The following TRAPPC9 variants were observed in gnomAD, a reference collection of about 807,000 sequenced individuals.
TRAPPC9 encodes IKK2 binding protein.
A neutral mutation model predicts 124.0 loss-of-function variants in TRAPPC9; 83 were observed. The ratio of observed to expected loss-of-function variants is 0.67; its 90% CI spans 0.56 to 0.80. The LOEUF is 0.80. Among genes scored for constraint, TRAPPC9 ranks in the 30% least tolerant of loss-of-function variants. The pLI is 0.00. For missense variants in TRAPPC9, 1,302 were observed against 1,508.3 expected (o/e 0.86, Z 2.27); for synonymous variants, 638 against 617.5 (o/e 1.03, Z -0.49).
At chr8:140,416,736 ACC>A (rs1462251437) in intron 5 of TRAPPC9, among the ~76,000 whole-genome samples, 1 of 152,234 alleles carries the variant, frequency 6.6e-6, no homozygotes, top group African/African-American at 2.4e-5. Flanking sequence ...TTCATATGGA[ACC>A]AAAAAAGAGC....
intron 21 of TRAPPC9, among the ~76,000 whole-genome samples, chr8:139,756,842 T>G (rs1819849500): frequency 7.7e-6 from 1 of 130,076 alleles, no homozygotes; most frequent in Non-Finnish European, 1.6e-5. Flanking sequence ...GGACAGCATG[T>G]CGCAGGAGGA....
intron 21 of TRAPPC9, among the ~76,000 whole-genome samples, chr8:139,755,525 G>A (rs868351669): frequency 9.8e-5 from 11 of 112,166 alleles, no homozygotes; most frequent in South Asian, 2.9e-4. Flanking sequence ...GTCGCAGGAG[G>A]AGCCAGGGTT....
At chr8:140,269,078 G>A (rs1476977755) in intron 15 of TRAPPC9, among the ~76,000 whole-genome samples, 2 of 152,044 alleles carry the variant, frequency 1.3e-5, no homozygotes, top group Admixed American at 1.3e-4. Context: ...GCGTTAGACA[G>A]ATCCATGTAT....
At chr8:140,343,318 T>C (rs1588181215) in intron 9 of TRAPPC9, among the ~76,000 whole-genome samples, 1 of 152,334 alleles carries the variant, frequency 6.6e-6, no homozygotes, top group Middle Eastern at 3.4e-3. Context: ...ATGGCATGCA[T>C]ATCAGCCTCG....
intron 18 of TRAPPC9, among the ~76,000 whole-genome samples, chr8:140,015,829 G>T (rs1033977335): frequency 4.6e-5 from 7 of 152,030 alleles, no homozygotes; most frequent in Admixed American, 4.6e-4. Context: ...TATAAACGGG[G>T]TCATCCCTTT....
At chr8:140,202,608 T>C (rs1255279343) in intron 17 of TRAPPC9, among the ~76,000 whole-genome samples, 1 of 152,202 alleles carries the variant, frequency 6.6e-6, no homozygotes, top group Non-Finnish European at 1.5e-5. Context: ...GCAAAGATTA[T>C]CCATTGATTT....
intron 17 of TRAPPC9, among the ~76,000 whole-genome samples, chr8:140,111,480 T>C (rs6999077): frequency 0.78 from 118,778 of 152,148 alleles, 47,124 homozygotes; most frequent in African/African-American, 0.93. Flanking sequence ...CAGAGAACAA[T>C]GTACATCCCC....
At chr8:140,454,803 G>T (rs2071595173) in intron 1 of TRAPPC9, among the ~76,000 whole-genome samples, 1 of 151,790 alleles carries the variant, frequency 6.6e-6, no homozygotes, top group South Asian at 2.1e-4. Flanking sequence ...GCCAGGCTTG[G>T]TGGCATGCAC....
intron 8 of TRAPPC9, among the ~76,000 whole-genome samples, chr8:140,368,381 A>T (rs766606450): frequency 6.6e-6 from 1 of 152,226 alleles, no homozygotes; most frequent in Non-Finnish European, 1.5e-5. Context: ...CTGAGTGGAC[A>T]GCATGACAGG....
intron 17 of TRAPPC9, among the ~76,000 whole-genome samples, chr8:140,046,495 G>A (rs1006252651): frequency 4.6e-5 from 7 of 152,172 alleles, no homozygotes; most frequent in Non-Finnish European, 8.8e-5. Context: ...TGTCACGCTG[G>A]CTAGAAGGTA....
At chr8:139,886,866 A>T (rs560264728) in intron 20 of TRAPPC9, among the ~76,000 whole-genome samples, 4 of 152,314 alleles carry the variant, frequency 2.6e-5, no homozygotes, top group South Asian at 4.1e-4. Flanking sequence ...TGAGAATCGC[A>T]TTGGCCAACC....
chr8:140,259,874 G>A (rs1053526065), intron 15 of TRAPPC9, among the ~76,000 whole-genome samples: 8 of 152,220 alleles, frequency 5.3e-5, no homozygotes, highest in Admixed American at 2.0e-4. Context: ...GAACACACAC[G>A]TGTGCCCAGA....
intron 19 of TRAPPC9, among the ~76,000 whole-genome samples, chr8:139,919,549 TATC>T (rs1189675140): frequency 1.3e-5 from 2 of 152,184 alleles, no homozygotes; most frequent in Non-Finnish European, 2.9e-5. Flanking sequence ...TAAAGGAAGT[TATC>T]ATGATAAAGA....
At chr8:140,003,735 T>G (rs1428434166) in intron 18 of TRAPPC9, among the ~76,000 whole-genome samples, 1 of 152,184 alleles carries the variant, frequency 6.6e-6, no homozygotes, top group East Asian at 1.9e-4. Context: ...ACTTATCCAC[T>G]GCTAGTAGAG....
chr8:140,408,107 T>C lies in TRAPPC9; in HGVS notation c.887-2409A>G, dbSNP rs368857048. ...AAACACTAGTAAGCCATAGATTTGA[T>C]CTTTCTTGACATCTGTAAAGTTGTG... is the stretch of plus-strand genomic sequence containing the variant. On this transcript the variant is annotated intron_variant, in intron 5 of 22. Transcript: ENST00000438773. Among the ~76,000 whole-genome samples the C allele has an allele frequency of 3.3e-5, 5 of 152,186 alleles. No homozygotes were observed. In the East Asian group the frequency reaches 9.6e-4, roughly 29 times the overall value.
At chr8:140,235,814 A>G (rs547652559) in intron 16 of TRAPPC9, among the ~76,000 whole-genome samples, 18 of 152,378 alleles carry the variant, frequency 1.2e-4, no homozygotes, top group African/African-American at 3.8e-4. Flanking sequence ...AGCATCATTC[A>G]TAACAGCCCA....
chr8:140,366,611 T>C (rs544502692), intron 8 of TRAPPC9, among the ~76,000 whole-genome samples: 3 of 152,042 alleles, frequency 2.0e-5, no homozygotes, highest in African/African-American at 7.2e-5. Flanking sequence ...GATGAGAAAA[T>C]ACAAACCTCC....
rs962550821 is a variant in TRAPPC9 at position 139,864,648 on chromosome 8, G to A, written c.3055+21231C>T. Among the ~76,000 whole-genome samples the A allele has an allele frequency of 5.3e-5, 8 of 152,126 alleles. No homozygotes were observed. The East Asian group carries it at 7.7e-4, about 15-fold the overall frequency. ...AGCATACCTGCTCCACAGGCCTGCC[G>A]GGAGCAATGGACAGCGTCTGTAGAG... On this transcript the variant is annotated intron_variant, in intron 21 of 22. Transcript: ENST00000438773.
intron 18 of TRAPPC9, among the ~76,000 whole-genome samples, chr8:140,017,874 C>T (rs930576699): frequency 2.0e-5 from 3 of 152,082 alleles, no homozygotes; most frequent in Non-Finnish European, 4.4e-5. Flanking sequence ...TACAGAGTCT[C>T]GTTCTGTTGC....
Sources: allele counts gnomAD v4.1 joint callset (sites outside exome capture counted in the v4.1 genomes callset), GRCh38; gene constraint gnomAD v4.1.1; transcripts MANE v1.5; gene names NCBI Gene and HGNC (gene_info 2026-07-23, HGNC 2026-07-21).